Variants in ERBIN observed in about 807,000 individuals in gnomAD.
ERBIN encodes the protein densin-180-like protein.
Under a neutral mutation model 158.4 loss-of-function variants are expected in ERBIN, and 60 were observed. That is an observed-to-expected ratio of 0.38 (90% CI 0.31 to 0.47). The LOEUF (loss-of-function observed/expected upper bound fraction) is 0.47. Ranked by LOEUF, ERBIN falls within the 20% of genes least tolerant of loss-of-function variation. ERBIN has a pLI of 0.99. For synonymous variants in ERBIN, 594 were observed against 557.2 expected, an observed-to-expected ratio of 1.07 and a Z score of -0.93; for missense variants, 1,610 against 1,648.0, an observed-to-expected ratio of 0.98 and a Z score of 0.40.
At chr5:65,947,527 A>AAT (rs1745925594) in intron 1 of ERBIN, among the ~76,000 whole-genome samples, 1 of 152,226 alleles carries the variant, frequency 6.6e-6, no homozygotes, top group Non-Finnish European at 1.5e-5. Context: ...ATACATAGTT[A>AAT]ATAGAAGTAG....
At chr5:66,001,510 A>G (rs1753007691) in intron 4 of ERBIN, among the ~76,000 whole-genome samples, 1 of 152,176 alleles carries the variant, frequency 6.6e-6, no homozygotes, top group Non-Finnish European at 1.5e-5. Flanking sequence ...TGGTTTAGGA[A>G]TAAAAAGAAA....
At chr5:65,988,151 G>A (rs765330627) in intron 1 of ERBIN, among the ~76,000 whole-genome samples, 29 of 152,024 alleles carry the variant, frequency 1.9e-4, no homozygotes, top group Non-Finnish European at 3.1e-4. Context: ...TGGGAGAATC[G>A]CTTAAGGCCA....
chr5:65,927,361 C>T (rs1199878043), intron 1 of ERBIN, among the ~76,000 whole-genome samples: 1 of 152,018 alleles, frequency 6.6e-6, no homozygotes, highest in African/African-American at 2.4e-5. Context: ...AAAATCTTGC[C>T]ATTCTTAGTT....
At position 66,050,941 on chromosome 5, in the gene ERBIN, CATATTG is replaced by C. The variant is rs1418599859; in HGVS notation, c.2068_2073del (p.Asp690_Ile691del). The C allele has an allele frequency of 1.2e-6, 2 of 1,602,872 alleles. No individual in the cohort carries two copies. Among genetic ancestry groups the C allele is most frequent in the African/African-American group, 1.3e-5 (1 of 74,106 alleles). On this transcript the variant is annotated inframe_deletion, in exon 20 of 26. Transcript: ENST00000284037. ...ACTCTGCTCTCCAGTGAAACAAACT[CATATTG>C]ATATTAATTCCAAAATCAGGTGTGT...
chr5:65,926,953 GC>G (rs1433078056), intron 1 of ERBIN, 147 bp downstream of exon 1: 1 of 152,046 alleles, frequency 6.6e-6, no homozygotes, highest in Admixed American at 6.5e-5. Context: ...TAATTGAGGG[GC>G]TAAATAATCG....
intron 1 of ERBIN, among the ~76,000 whole-genome samples, chr5:65,977,444 G>T (rs1437429698): frequency 6.6e-6 from 1 of 151,946 alleles, no homozygotes; most frequent in East Asian, 1.9e-4. Context: ...CTCGGACGGG[G>T]TGGTTGCCAG....
intron 1 of ERBIN, among the ~76,000 whole-genome samples, chr5:65,930,277 CT>C (rs1222608548): frequency 6.6e-6 from 1 of 152,100 alleles, no homozygotes; most frequent in African/African-American, 2.4e-5. Flanking sequence ...AGTGTACATG[CT>C]GGTATTTTAA....
At chr5:65,933,372 G>A (rs1743678458) in intron 1 of ERBIN, among the ~76,000 whole-genome samples, 1 of 152,198 alleles carries the variant, frequency 6.6e-6, no homozygotes, top group Admixed American at 6.5e-5. Context: ...CTTAGAAGAG[G>A]AAAGGGAGAA....
At chr5:65,968,490 C>T (rs971539293) in intron 1 of ERBIN, among the ~76,000 whole-genome samples, 1 of 152,084 alleles carries the variant, frequency 6.6e-6, no homozygotes, top group Non-Finnish European at 1.5e-5. Flanking sequence ...AGTTACAAGA[C>T]CTACATTTAT....
At chr5:65,974,204 AATAGGT>A (rs1366392661) in intron 1 of ERBIN, among the ~76,000 whole-genome samples, 2 of 152,212 alleles carry the variant, frequency 1.3e-5, no homozygotes, top group African/African-American at 2.4e-5. Context: ...GTGTTTTCTC[AATAGGT>A]ATATTGACAG....
chr5:65,944,899 A>G (rs1745553391), intron 1 of ERBIN, among the ~76,000 whole-genome samples: 1 of 152,152 alleles, frequency 6.6e-6, no homozygotes, highest in African/African-American at 2.4e-5. Flanking sequence ...ATGATTTGCA[A>G]ATATTTTCTC....
At chr5:66,016,741 G>A (rs1447382344) in intron 7 of ERBIN, among the ~76,000 whole-genome samples, 1 of 151,796 alleles carries the variant, frequency 6.6e-6, no homozygotes, top group Non-Finnish European at 1.5e-5. Flanking sequence ...AGCCTCCAGA[G>A]TGGCTGGGAC....
intron 2 of ERBIN, among the ~76,000 whole-genome samples, chr5:65,989,719 A>G (rs1248570921): frequency 3.3e-5 from 5 of 152,218 alleles, no homozygotes; most frequent in African/African-American, 1.2e-4. Context: ...GTGGCCATTA[A>G]GTGTTTACAT....
intron 1 of ERBIN, among the ~76,000 whole-genome samples, chr5:65,976,595 T>C (rs1364579814): frequency 1.0e-4 from 15 of 149,972 alleles, no homozygotes; most frequent in African/African-American, 3.5e-4. Flanking sequence ...AGGACAATAG[T>C]GAAGGGAAGG....
At position 66,018,546 on chromosome 5, in the gene ERBIN, TTA is replaced by T. The variant is rs374300350; in HGVS notation, c.534-2770_534-2769del. Reference sequence around the variant, plus strand: ...TATATATTATATTATATAATATATATTATATATTATATAATATATATTATATT... The same window carrying T: ...TATATATTATATTATATAATATATATTATATTATATAATATATATTATATT... On this transcript the variant is annotated intron_variant, in intron 7 of 25. Transcript: ENST00000284037. Among the ~76,000 whole-genome samples, 14 of 8,572 alleles carry T rather than the reference TTA, an allele frequency of 1.6e-3. 6 individuals carry two copies. The highest frequency in any genetic ancestry group is 2.2e-3 in the Non-Finnish European group (4 of 1,826). The allele number at this position is 8,572 out of a possible 152,430, so 5.6% of individuals were successfully genotyped here.
chr5:66,047,408 T>A (rs1408769802), intron 18 of ERBIN, among the ~76,000 whole-genome samples: 2 of 152,100 alleles, frequency 1.3e-5, no homozygotes, highest in Non-Finnish European at 2.9e-5. Flanking sequence ...ACTTTTTGGC[T>A]GTAATGAATA....
chr5:66,021,243 G>C (rs553531700), intron 7 of ERBIN, 79 bp from the exon 8 acceptor site: 162 of 780,078 alleles, frequency 2.1e-4, no homozygotes, highest in Middle Eastern at 3.6e-4. Context: ...TATTCCATAA[G>C]AATGTTTTAG....
At chr5:65,967,467 C>T (rs1276332741) in intron 1 of ERBIN, among the ~76,000 whole-genome samples, 1 of 152,084 alleles carries the variant, frequency 6.6e-6, no homozygotes, top group African/African-American at 2.4e-5. Flanking sequence ...TACACAAATA[C>T]TTATCATTGT....
At chr5:65,970,216 T>C (rs1462950489) in intron 1 of ERBIN, among the ~76,000 whole-genome samples, 2 of 152,214 alleles carry the variant, frequency 1.3e-5, no homozygotes, top group African/African-American at 4.8e-5. Context: ...TTATAAGTCA[T>C]ACTACTGGCT....
Sources: gnomAD v4.1 joint callset for allele counts (sites outside exome capture counted in the v4.1 genomes callset) on GRCh38, gnomAD v4.1.1 for gene constraint, MANE v1.5 for transcripts, NCBI Gene and HGNC (gene_info 2026-07-23, HGNC 2026-07-21) for gene names.